SLC44A5: variants seen among roughly 807,000 people sequenced by gnomAD.
The protein encoded by SLC44A5 is solute carrier family 44 member 5.
A neutral mutation model predicts 101.8 loss-of-function variants in SLC44A5; 57 were observed. The observed-to-expected ratio is 0.56, with a 90% confidence interval of 0.45 to 0.70. The LOEUF (loss-of-function observed/expected upper bound fraction) is 0.70. Ranked by LOEUF, SLC44A5 falls within the 30% of genes least tolerant of loss-of-function variation. The probability of loss-of-function intolerance (pLI) is 0.00; values close to 1 mark genes in which losing one functional copy is unlikely to be tolerated. For missense variants in SLC44A5, 737 were observed against 853.1 expected (o/e 0.86, Z 1.70); for synonymous variants, 281 against 290.9 (o/e 0.97, Z 0.35).
rs147326376 is a variant in SLC44A5, at chr1:75,559,005, C to T, written c.-69-17489G>A. ...TGGTAGAAGTGCAGCTATTGACTTG[C>T]TCACAAGAAGCCTGTTATCTACTAA... On this transcript the variant is annotated intron_variant, in intron 1 of 23. Coordinates refer to ENST00000370859, the MANE Select transcript of SLC44A5 (RefSeq NM_001130058.2). 2.4e-3 allele frequency among the ~76,000 whole-genome samples: 361 copies of T among 152,168 alleles called. 3 individuals are homozygous for T. Among genetic ancestry groups the T allele is most frequent in the African/African-American group, 7.9e-3 (327 of 41,552 alleles).
At chr1:75,655,250 C>A in the SLC44A5 span, among the ~76,000 whole-genome samples, 1 of 152,162 alleles carries the variant, frequency 6.6e-6, no homozygotes, top group African/African-American at 2.4e-5. Context: ...CCATGACACA[C>A]AATGTACCTG....
intron 5 of SLC44A5, among the ~76,000 whole-genome samples, chr1:75,288,985 G>A (rs1653307249): frequency 6.6e-6 from 1 of 152,142 alleles, no homozygotes; most frequent in Admixed American, 6.5e-5. Context: ...ATAGTGGTTA[G>A]CATATAATCT....
At chr1:75,235,377 G>C (rs576277461) in intron 11 of SLC44A5, among the ~76,000 whole-genome samples, 1 of 152,106 alleles carries the variant, frequency 6.6e-6, no homozygotes, top group East Asian at 1.9e-4. Flanking sequence ...TGGGTGGAGA[G>C]GGTTTCATTG....
chr1:75,250,131 C>G (rs1038720144), intron 7 of SLC44A5, among the ~76,000 whole-genome samples: 2 of 152,008 alleles, frequency 1.3e-5, no homozygotes, highest in Admixed American at 6.6e-5. Context: ...TCGTTGTTTT[C>G]CCTGATCTTC....
intron 13 of SLC44A5, among the ~76,000 whole-genome samples, chr1:75,224,170 G>C (rs686453): frequency 0.45 from 68,512 of 152,004 alleles, 16,379 homozygotes; most frequent in African/African-American, 0.6. Context: ...CCAGTGGCAT[G>C]GTAGTGCAAT....
intron 1 of SLC44A5, among the ~76,000 whole-genome samples, chr1:75,594,851 A>T (rs1412311290): frequency 6.6e-6 from 1 of 151,926 alleles, no homozygotes; most frequent in African/African-American, 2.4e-5. Context: ...CTGAAAATAA[A>T]GTCAATATTT....
At chr1:75,629,888 G>A in the SLC44A5 span, among the ~76,000 whole-genome samples, 1 of 152,142 alleles carries the variant, frequency 6.6e-6, no homozygotes, top group African/African-American at 2.4e-5. Context: ...GCAAAGCTGA[G>A]AAAACAAACT....
At chr1:75,674,811 T>C in the SLC44A5 span, among the ~76,000 whole-genome samples, 1 of 152,236 alleles carries the variant, frequency 6.6e-6, no homozygotes, top group Non-Finnish European at 1.5e-5. Flanking sequence ...GTTTATTCAA[T>C]TTTAATTTTC....
intron 3 of SLC44A5, among the ~76,000 whole-genome samples, chr1:75,373,967 G>A (rs540857345): frequency 6.6e-6 from 1 of 152,174 alleles, no homozygotes; most frequent in African/African-American, 2.4e-5. Flanking sequence ...AGTGTGGCCT[G>A]TGCTCATGTG....
Position 75,339,630 on chromosome 1 carries a change from C to T in SLC44A5, c.53G>A (p.Gly18Asp), listed in dbSNP as rs953645798. 3 of 1,606,574 alleles carry T rather than the reference C, an allele frequency of 1.9e-6. No homozygotes were observed. Residue 18 changes from glycine (G) to aspartate (D), a missense_variant and splice_region_variant, in exon 4 of 24, where the codon GGT becomes GAT. This residue lies in a region of SLC44A5 where 665 missense variants were observed against 764.4 expected (regional missense o/e 0.87). Transcript: ENST00000370859. The stretch of plus-strand genomic sequence containing the variant: ...ATCTGGGTCATATGTCCTTGGATCA[C>T]CTGCATTTAAAACAAAGACATTTTA... ...ADTPSEEEDF[G>D]DPRTYDPDFK... is the part of the protein sequence containing the mutation.
At chr1:75,313,842 A>C (rs1259094066) in intron 4 of SLC44A5, among the ~76,000 whole-genome samples, 1 of 152,186 alleles carries the variant, frequency 6.6e-6, no homozygotes, top group African/African-American at 2.4e-5. Context: ...AAAGAGAATA[A>C]ATCAGAAAAA....
At chr1:75,562,689 C>CA (rs201573124) in intron 1 of SLC44A5, among the ~76,000 whole-genome samples, 3,526 of 151,910 alleles carry the variant, frequency 0.023, 145 homozygotes, top group African/African-American at 0.081. Flanking sequence ...GACTCTGTCA[C>CA]AAAAAAATAT....
At chr1:75,363,429 T>A (rs1211218111) in intron 3 of SLC44A5, among the ~76,000 whole-genome samples, 1 of 152,040 alleles carries the variant, frequency 6.6e-6, no homozygotes, top group African/African-American at 2.4e-5. Context: ...CTTTGAATCT[T>A]TTCTTTCTGT....
At chr1:75,252,563 G>A (rs1282338550) in intron 6 of SLC44A5, among the ~76,000 whole-genome samples, 1 of 152,212 alleles carries the variant, frequency 6.6e-6, no homozygotes, top group Non-Finnish European at 1.5e-5. Context: ...GAGAGGACTA[G>A]TTGTTTCTTC....
chr1:75,670,779 G>A, the SLC44A5 span, among the ~76,000 whole-genome samples: 1 of 152,180 alleles, frequency 6.6e-6, no homozygotes, highest in East Asian at 1.9e-4. Context: ...GGGTTCTTGT[G>A]ACTATACTTT....
At position 75,371,443 on chromosome 1, in the gene SLC44A5, T is replaced by A. The variant is rs376562939; in HGVS notation, c.52+25140A>T. On this transcript the variant is annotated intron_variant, in intron 3 of 23. Coordinates refer to ENST00000370859, the MANE Select transcript of SLC44A5 (RefSeq NM_001130058.2). Reference sequence around the variant, plus strand: ...CCAACTCACAGTAAGTGCTGTAAACTATTTTTATTGTTATTTTTGTAGTCA... The same window carrying A: ...CCAACTCACAGTAAGTGCTGTAAACAATTTTTATTGTTATTTTTGTAGTCA... Among the ~76,000 whole-genome samples, 3 of 152,224 alleles carry A rather than the reference T, an allele frequency of 2.0e-5. No homozygotes were observed. In the East Asian group the frequency reaches 5.8e-4, roughly 29 times the overall value.
intron 15 of SLC44A5, 118 bp from the exon 16 acceptor site, chr1:75,219,462 T>A: frequency 1.4e-6 from 1 of 717,130 alleles, no homozygotes; most frequent in Non-Finnish European, 2.5e-6. Flanking sequence ...TGCCTAATAT[T>A]TTAATAATAT....
chr1:75,442,725 AC>A (rs1312588713), intron 2 of SLC44A5, among the ~76,000 whole-genome samples: 1 of 151,880 alleles, frequency 6.6e-6, no homozygotes, highest in Non-Finnish European at 1.5e-5. Flanking sequence ...TTACTGCAAG[AC>A]CCCTCTGCAG....
At chr1:75,359,162 G>T (rs1229150959) in intron 3 of SLC44A5, among the ~76,000 whole-genome samples, 1 of 146,886 alleles carries the variant, frequency 6.8e-6, no homozygotes, top group East Asian at 2.0e-4. Flanking sequence ...GCAAATGACA[G>T]AATTTTCTTT....
Sources: gnomAD v4.1 joint callset for allele counts (sites outside exome capture counted in the v4.1 genomes callset) on GRCh38, gnomAD v4.1.1 for gene constraint, gnomAD v4.1.1 regional missense constraint, MANE v1.5 for transcripts, NCBI Gene and HGNC (gene_info 2026-07-23, HGNC 2026-07-21) for gene names.